LRP1B: variants seen among roughly 807,000 people sequenced by gnomAD.
LRP1B encodes the protein LDL receptor related protein 1B, also known as low-density lipoprotein receptor-related protein 1B.
Under a neutral mutation model 556.6 loss-of-function variants are expected in LRP1B, and 217 were observed. The observed-to-expected ratio is 0.39, with a 90% CI of 0.35 to 0.44. The LOEUF is 0.44. LRP1B is among the 20% of genes least tolerant of loss of function. LRP1B has a pLI of 1.00. For synonymous variants in LRP1B, 2,047 were observed against 1,865.8 expected, an observed-to-expected ratio of 1.10 and a Z score of -2.50; for missense variants, 5,053 against 5,620.8, an observed-to-expected ratio of 0.90 and a Z score of 3.23.
At chr2:141,216,572 A>G (rs115584775) in intron 6 of LRP1B, among the ~76,000 whole-genome samples, 160 of 152,298 alleles carry the variant, frequency 1.1e-3, no homozygotes, top group African/African-American at 3.5e-3. Flanking sequence ...CAGCTTTCAC[A>G]CTATGACTGG....
chr2:141,912,443 C>A (rs1574486709), intron 1 of LRP1B, among the ~76,000 whole-genome samples: 1 of 152,016 alleles, frequency 6.6e-6, no homozygotes, highest in Admixed American at 6.6e-5. Context: ...GGTCGAGACC[C>A]CTTGATGAAA....
At chr2:140,316,202 G>T (rs971396001) in intron 82 of LRP1B, among the ~76,000 whole-genome samples, 9 of 152,222 alleles carry the variant, frequency 5.9e-5, no homozygotes, top group African/African-American at 1.9e-4. Flanking sequence ...TGAGAAAGTT[G>T]TAATAAGCAT....
intron 1 of LRP1B, among the ~76,000 whole-genome samples, chr2:141,898,530 A>G (rs1331869580): frequency 6.6e-6 from 1 of 152,176 alleles, no homozygotes; most frequent in Non-Finnish European, 1.5e-5. Flanking sequence ...AAGATTAATT[A>G]TACCAGGAAT....
At chr2:140,420,916 G>T (rs980091654) in intron 66 of LRP1B, among the ~76,000 whole-genome samples, 1 of 152,060 alleles carries the variant, frequency 6.6e-6, no homozygotes, top group African/African-American at 2.4e-5. Flanking sequence ...GGTTTCATGG[G>T]TATATACAAC....
intron 1 of LRP1B, among the ~76,000 whole-genome samples, chr2:142,112,578 C>T (rs912617487): frequency 6.6e-6 from 1 of 152,084 alleles, no homozygotes; most frequent in African/African-American, 2.4e-5. Context: ...CCATCTATTG[C>T]ATGGCATTGC....
intron 3 of LRP1B, among the ~76,000 whole-genome samples, chr2:141,436,935 A>G (rs1029096215): frequency 1.3e-5 from 2 of 152,164 alleles, no homozygotes; most frequent in African/African-American, 4.8e-5. Flanking sequence ...AGAATAATAT[A>G]TTGTGCTGCA....
intron 84 of LRP1B, among the ~76,000 whole-genome samples, chr2:140,290,344 A>C (rs2104984874): frequency 6.6e-6 from 1 of 152,192 alleles, no homozygotes; most frequent in Admixed American, 6.6e-5. Flanking sequence ...CAAGGTTAGA[A>C]GAAAAGGTAC....
At chr2:140,238,508 T>C (rs1426150562) in intron 88 of LRP1B, among the ~76,000 whole-genome samples, 1 of 151,002 alleles carries the variant, frequency 6.6e-6, no homozygotes, top group Non-Finnish European at 1.5e-5. Context: ...AAATACCTCC[T>C]AAATAGCCGA....
chr2:141,373,557 T>G (rs1349302389), intron 3 of LRP1B, among the ~76,000 whole-genome samples: 1 of 151,782 alleles, frequency 6.6e-6, no homozygotes, highest in African/African-American at 2.4e-5. Flanking sequence ...AGTTGTTGTA[T>G]CCTTTTAATA....
chr2:141,066,801 TTGAAGTGAAGTTA>T (rs1699493017), intron 7 of LRP1B, among the ~76,000 whole-genome samples: 1 of 151,908 alleles, frequency 6.6e-6, no homozygotes, highest in Non-Finnish European at 1.5e-5. Context: ...CAAGATTTTT[TTGAAGTGAAGTTA>T]AAAAAACAAG....
chr2:141,168,877 G>GAGCTTAC (rs2105134136), intron 7 of LRP1B, among the ~76,000 whole-genome samples: 1 of 152,094 alleles, frequency 6.6e-6, no homozygotes, highest in South Asian at 2.1e-4. Flanking sequence ...TACAAGCAAA[G>GAGCTTAC]AGCTTACAAA....
intron 2 of LRP1B, among the ~76,000 whole-genome samples, chr2:141,719,866 G>A (rs981237500): frequency 4.6e-5 from 7 of 152,180 alleles, no homozygotes. Flanking sequence ...CTAGAGTTGG[G>A]GAAAGGTTGA....
intron 2 of LRP1B, among the ~76,000 whole-genome samples, chr2:141,804,886 A>G (rs574577744): frequency 1.3e-5 from 2 of 152,208 alleles, no homozygotes; most frequent in Admixed American, 6.6e-5. Flanking sequence ...TGAGCCTTGG[A>G]GCCAAGCAGT....
chr2:140,809,175 C>T (rs1041959124), intron 32 of LRP1B, among the ~76,000 whole-genome samples: 2 of 151,776 alleles, frequency 1.3e-5, no homozygotes, highest in African/African-American at 2.4e-5. Context: ...GAGTGTTTGG[C>T]TTTTATAGTG....
At chr2:141,567,176 C>T (rs566395546) in intron 2 of LRP1B, among the ~76,000 whole-genome samples, 1 of 152,256 alleles carries the variant, frequency 6.6e-6, no homozygotes, top group South Asian at 2.1e-4. Flanking sequence ...CTTGACTATG[C>T]AATGGCATCA....
intron 2 of LRP1B, among the ~76,000 whole-genome samples, chr2:141,544,346 C>CTTCTTCTTCTTCTTCTTCTT (rs1559131325): frequency 2.6e-4 from 22 of 85,018 alleles, no homozygotes; most frequent in African/African-American, 6.1e-4. Context: ...TCTTCTTCTT[C>CTTCTTCTTCTTCTTCTTCTT]TTCTTCTTCT....
chr2:141,157,720 A>C (rs889609132), intron 7 of LRP1B, among the ~76,000 whole-genome samples: 1 of 152,154 alleles, frequency 6.6e-6, no homozygotes, highest in African/African-American at 2.4e-5. Flanking sequence ...ACTATTCAAT[A>C]GACAGTCTAG....
chr2:140,496,392 T>A (rs1688940172), intron 55 of LRP1B, among the ~76,000 whole-genome samples: 1 of 152,146 alleles, frequency 6.6e-6, no homozygotes, highest in Admixed American at 6.6e-5. Flanking sequence ...TACATAGTAA[T>A]CCTCAATTAA....
intron 2 of LRP1B, among the ~76,000 whole-genome samples, chr2:141,577,759 C>A (rs1207298034): frequency 6.6e-6 from 1 of 152,188 alleles, no homozygotes; most frequent in Non-Finnish European, 1.5e-5. Flanking sequence ...ACTTTTGTGA[C>A]TTCAATAAAT....
Sources: allele counts gnomAD v4.1 joint callset (sites outside exome capture counted in the v4.1 genomes callset), GRCh38; gene constraint gnomAD v4.1.1; transcripts MANE v1.5; gene names NCBI Gene and HGNC (gene_info 2026-07-23, HGNC 2026-07-21).